COL21A1: variants seen among roughly 807,000 people sequenced by gnomAD.
COL21A1 encodes collagen alpha-1(XXI) chain.
Under a neutral mutation model 137.9 loss-of-function variants are expected in COL21A1, and 149 were observed. That is an observed-to-expected ratio of 1.08 (90% CI 0.95 to 1.24). The LOEUF (loss-of-function observed/expected upper bound fraction) is 1.24. COL21A1 is among the 50% of genes most tolerant of loss of function. COL21A1 has a pLI of 0.00. For synonymous variants in COL21A1, 456 were observed against 391.5 expected, an observed-to-expected ratio of 1.16 and a Z score of -1.95; for missense variants, 1,167 against 1,158.4, an observed-to-expected ratio of 1.01 and a Z score of -0.11.
intron 1 of COL21A1, among the ~76,000 whole-genome samples, chr6:56,389,233 G>C (rs1407290111): frequency 2.0e-5 from 3 of 151,916 alleles, no homozygotes. Flanking sequence ...GTGGTGGCGT[G>C]CACCTGTAGT....
chr6:56,123,975 A>T, intron 16 of COL21A1, 87 bp downstream of exon 16: 1 of 1,191,960 alleles, frequency 8.4e-7, no homozygotes, highest in Non-Finnish European at 1.2e-6. Flanking sequence ...ATGTTAAAAA[A>T]TTTTAATATT....
rs562987179 is a variant in COL21A1 at position 56,315,219 on chromosome 6, C to T, written c.-39+78752G>A. Among the ~76,000 whole-genome samples the T allele has an allele frequency of 2.0e-3, 303 of 152,262 alleles. 1 individual carries two copies. The highest frequency in any genetic ancestry group is 6.9e-3 in the African/African-American group (288 of 41,546). On this transcript the variant is annotated intron_variant, in intron 1 of 28. Coordinates refer to the COL21A1 transcript ENST00000370819. ...TATCTCCTCATGGAGAGGCCCTGAG[C>T]GGGGTGACTGTGTTCTCCACCTGTG...
chr6:56,276,530 T>C (rs1164625490), intron 1 of COL21A1: 12 of 1,249,338 alleles, frequency 9.6e-6, no homozygotes, highest in African/African-American at 1.5e-5. Flanking sequence ...TTCATATTAA[T>C]CATTCTTCTT....
intron 7 of COL21A1, among the ~76,000 whole-genome samples, chr6:56,166,109 A>G (rs912874878): frequency 7.9e-5 from 12 of 152,002 alleles, no homozygotes; most frequent in Admixed American, 5.9e-4. Flanking sequence ...TTTCACTGAC[A>G]CTTTGAGAAA....
intron 1 of COL21A1, among the ~76,000 whole-genome samples, chr6:56,227,539 C>G (rs1365457728): frequency 6.6e-6 from 1 of 151,994 alleles, no homozygotes; most frequent in Non-Finnish European, 1.5e-5. Context: ...CCTGTCTTGA[C>G]AGTTGGTTCT....
chr6:56,221,475 C>A (rs541947627), intron 1 of COL21A1, among the ~76,000 whole-genome samples: 23 of 152,120 alleles, frequency 1.5e-4, no homozygotes, highest in Non-Finnish European at 2.6e-4. Context: ...ATAATCCCAG[C>A]ACTTTGGGAG....
At chr6:56,260,677 A>AGGCAGGC in intron 1 of COL21A1, among the ~76,000 whole-genome samples, 5 of 121,696 alleles carry the variant, frequency 4.1e-5, no homozygotes, top group African/African-American at 2.0e-4. Context: ...GGAAGGAAGG[A>AGGCAGGC]AGGAAGGAAG....
At position 56,306,919 on chromosome 6, in the gene COL21A1, G is replaced by A. The variant is rs199915789; in HGVS notation, c.-39+87052C>T. The stretch of plus-strand genomic sequence containing the variant: ...GGGTTTTGGTGTGGATGTCCTTTCT[G>A]TTTGTTAGTTTTCCTTCTAACAGTC... On this transcript the variant is annotated intron_variant, in intron 1 of 28. Coordinates refer to the COL21A1 transcript ENST00000370819. 1.1e-4 allele frequency among the ~76,000 whole-genome samples: 16 copies of A among 152,260 alleles called. No homozygotes were observed. The East Asian group carries it at 3.1e-3, about 29-fold the overall frequency.
At chr6:56,281,392 C>T (rs1213620948) in intron 1 of COL21A1, among the ~76,000 whole-genome samples, 1 of 152,066 alleles carries the variant, frequency 6.6e-6, no homozygotes, top group Admixed American at 6.5e-5. Flanking sequence ...GTCCTTTTTA[C>T]ATATAGTTAG....
chr6:56,164,412 G>A lies in COL21A1; in HGVS notation c.1371+11C>T. Reference sequence around the variant, plus strand: ...TGTTTTAACAAAAACAGCAAGTTAGGTGTTACCCACTTTGGGGCCTTGAAG... The same window carrying A: ...TGTTTTAACAAAAACAGCAAGTTAGATGTTACCCACTTTGGGGCCTTGAAG... On this transcript the variant is annotated intron_variant, in intron 9 of 29. Coordinates refer to ENST00000244728, the MANE Select transcript of COL21A1 (RefSeq NM_030820.4). 6.4e-7 allele frequency: 1 copy of A among 1,554,042 alleles called. No individual in the cohort carries two copies. The highest frequency in any genetic ancestry group is 8.8e-7 in the Non-Finnish European group (1 of 1,142,082).
At chr6:56,205,550 GA>G (rs1214904680) in intron 1 of COL21A1, among the ~76,000 whole-genome samples, 2 of 152,140 alleles carry the variant, frequency 1.3e-5, no homozygotes, top group Non-Finnish European at 2.9e-5. Flanking sequence ...AACCAAGTTG[GA>G]AAACACACTT....
At chr6:56,175,531 C>A (rs1252015484) in intron 3 of COL21A1, among the ~76,000 whole-genome samples, 1 of 151,854 alleles carries the variant, frequency 6.6e-6, no homozygotes, top group Non-Finnish European at 1.5e-5. Context: ...AGAAAATAAT[C>A]TCATTTATAA....
chr6:56,381,074 CAG>C (rs1189304669), intron 1 of COL21A1, among the ~76,000 whole-genome samples: 1 of 152,050 alleles, frequency 6.6e-6, no homozygotes, highest in African/African-American at 2.4e-5. Context: ...TCAGGTTTCT[CAG>C]TGACTTTATA....
chr6:56,082,080 C>A (rs141987067), intron 17 of COL21A1, among the ~76,000 whole-genome samples: 3 of 151,868 alleles, frequency 2.0e-5, no homozygotes, highest in South Asian at 4.1e-4. Context: ...AACAATGTTA[C>A]GTTGCAAAAG....
rs545710821 is a variant in COL21A1, at chr6:56,128,953, C to T, written c.1543-2804G>A. Among the ~76,000 whole-genome samples the T allele has an allele frequency of 1.4e-4, 22 of 152,298 alleles. No individual in the cohort carries two copies. The South Asian group carries it at 3.5e-3, about 24-fold the overall frequency. On this transcript the variant is annotated intron_variant, in intron 12 of 29. Transcript: ENST00000244728. Reference sequence around the variant, plus strand: ...TACAGGCATGAGCCACCATGCTCAGCCTACTCCTATTGTTTTAATTTTAGT... The same window carrying T: ...TACAGGCATGAGCCACCATGCTCAGTCTACTCCTATTGTTTTAATTTTAGT...
intron 17 of COL21A1, among the ~76,000 whole-genome samples, chr6:56,095,691 G>T (rs1769253184): frequency 6.6e-6 from 1 of 152,082 alleles, no homozygotes; most frequent in Admixed American, 6.5e-5. Flanking sequence ...TTTGGAACAT[G>T]CATGCTACAC....
At chr6:56,286,232 G>C (rs1763909597) in intron 1 of COL21A1, among the ~76,000 whole-genome samples, 1 of 152,180 alleles carries the variant, frequency 6.6e-6, no homozygotes. Flanking sequence ...AGGTCAGTTT[G>C]ATACTAAGCT....
chr6:56,158,573 C>G (rs1450445441), intron 9 of COL21A1, among the ~76,000 whole-genome samples: 1 of 151,972 alleles, frequency 6.6e-6, no homozygotes, highest in Non-Finnish European at 1.5e-5. Context: ...AGCCTGATCT[C>G]TTTACTATTT....
At chr6:56,223,417 C>T (rs1479110285) in intron 1 of COL21A1, among the ~76,000 whole-genome samples, 2 of 151,922 alleles carry the variant, frequency 1.3e-5, no homozygotes, top group African/African-American at 2.4e-5. Flanking sequence ...TACTGAAACA[C>T]TTATTTATTT....
Sources: allele counts gnomAD v4.1 joint callset (sites outside exome capture counted in the v4.1 genomes callset), GRCh38; gene constraint gnomAD v4.1.1; transcripts MANE v1.5; gene names NCBI Gene and HGNC (gene_info 2026-07-23, HGNC 2026-07-21).